Variants in BBS9 observed in about 807,000 individuals in gnomAD.
The protein encoded by BBS9 is protein PTHB1.
Under a neutral mutation model 117.7 loss-of-function variants are expected in BBS9, and 89 were observed. The ratio of observed to expected loss-of-function variants is 0.76; its 90% CI spans 0.64 to 0.90. The LOEUF (loss-of-function observed/expected upper bound fraction) is 0.90. Ranked by LOEUF, BBS9 falls within the 40% of genes least tolerant of loss-of-function variation. The probability of loss-of-function intolerance (pLI) is 0.00; values close to 1 mark genes in which losing one functional copy is unlikely to be tolerated. For missense variants in BBS9, 982 were observed against 1,042.2 expected, an observed-to-expected ratio of 0.94 and a Z score of 0.80; for synonymous variants, 379 against 370.9, an observed-to-expected ratio of 1.02 and a Z score of -0.25.
chr7:33,631,229 G>A (rs912994762), intron 21 of BBS9, among the ~76,000 whole-genome samples: 5 of 152,254 alleles, frequency 3.3e-5, no homozygotes, highest in Non-Finnish European at 2.9e-5. Flanking sequence ...GAACTGCACC[G>A]TTCCAGGGAG....
At chr7:33,302,370 A>G (rs992408299) in intron 9 of BBS9, among the ~76,000 whole-genome samples, 2 of 152,004 alleles carry the variant, frequency 1.3e-5, no homozygotes, top group African/African-American at 4.8e-5. Flanking sequence ...TATCCTGGAG[A>G]GTTTCCCCAG....
At chr7:33,321,763 C>T (rs1811756667) in intron 9 of BBS9, among the ~76,000 whole-genome samples, 1 of 152,014 alleles carries the variant, frequency 6.6e-6, no homozygotes, top group Admixed American at 6.5e-5. Flanking sequence ...TGGTGAATAA[C>T]AGTGGTGAAA....
chr7:33,503,805 G>T (rs943841360), intron 19 of BBS9, among the ~76,000 whole-genome samples: 3 of 152,038 alleles, frequency 2.0e-5, no homozygotes, highest in African/African-American at 2.4e-5. Context: ...TGGTGGGGGT[G>T]GGGGAGGAAC....
intron 9 of BBS9, among the ~76,000 whole-genome samples, chr7:33,289,590 CTTT>C (rs1461973661): frequency 6.6e-6 from 1 of 151,978 alleles, no homozygotes; most frequent in Non-Finnish European, 1.5e-5. Flanking sequence ...TTGTATACTA[CTTT>C]TTATCTTTAA....
At chr7:33,577,130 GAGAAA>G (rs1262690652) in intron 21 of BBS9, among the ~76,000 whole-genome samples, 1 of 151,840 alleles carries the variant, frequency 6.6e-6, no homozygotes, top group Non-Finnish European at 1.5e-5. Flanking sequence ...TACAGAATGG[GAGAAA>G]ATTTTTGCAA....
chr7:33,160,755 A>G (rs2128125017), intron 4 of BBS9, among the ~76,000 whole-genome samples: 1 of 152,310 alleles, frequency 6.6e-6, no homozygotes, highest in East Asian at 1.9e-4. Context: ...GCTGCAATGT[A>G]GATGGCAAGG....
chr7:33,224,074 G>A (rs10244288), intron 5 of BBS9, among the ~76,000 whole-genome samples: 72,952 of 151,970 alleles, frequency 0.48, 18,006 homozygotes, highest in Admixed American at 0.57. Context: ...GGAATTTTGT[G>A]ATTAGTCAGA....
chr7:33,452,737 T>A (rs544823488), intron 19 of BBS9, among the ~76,000 whole-genome samples: 6 of 152,328 alleles, frequency 3.9e-5, no homozygotes, highest in African/African-American at 1.4e-4. Context: ...AAGGTTATTA[T>A]GGGAACACAC....
intron 21 of BBS9, among the ~76,000 whole-genome samples, chr7:33,541,997 A>G (rs907071036): frequency 1.3e-5 from 2 of 152,194 alleles, no homozygotes; most frequent in Non-Finnish European, 2.9e-5. Flanking sequence ...CTTTGTATAT[A>G]TTTAGAAAAT....
intron 10 of BBS9, among the ~76,000 whole-genome samples, chr7:33,339,455 C>T (rs1186219985): frequency 6.6e-6 from 1 of 152,164 alleles, no homozygotes; most frequent in Non-Finnish European, 1.5e-5. Context: ...GCCATTTGTA[C>T]TCTCATTAAG....
At chr7:33,257,167 T>C in intron 5 of BBS9, 69 bp from the exon 6 acceptor site, 1 of 1,084,698 alleles carries the variant, frequency 9.2e-7, no homozygotes, top group Non-Finnish European at 1.3e-6. Flanking sequence ...ATGTTGTAGA[T>C]AGTGATTAAT....
At chr7:33,571,279 C>G (rs1185593559) in intron 21 of BBS9, among the ~76,000 whole-genome samples, 2 of 152,002 alleles carry the variant, frequency 1.3e-5, no homozygotes, top group Non-Finnish European at 2.9e-5. Flanking sequence ...TATCGATTGA[C>G]TTTTGACTTT....
At chr7:33,163,762 T>G (rs1016169111) in intron 4 of BBS9, among the ~76,000 whole-genome samples, 1 of 152,230 alleles carries the variant, frequency 6.6e-6, no homozygotes, top group African/African-American at 2.4e-5. Context: ...TCAATTTTGT[T>G]GATCTTTTCA....
chr7:33,357,314 A>T (rs889464501), intron 15 of BBS9, among the ~76,000 whole-genome samples: 1 of 151,804 alleles, frequency 6.6e-6, no homozygotes, highest in South Asian at 2.1e-4. Flanking sequence ...TAAAATGAAC[A>T]TGGACTTCAA....
intron 16 of BBS9, among the ~76,000 whole-genome samples, chr7:33,367,264 G>A (rs1032679876): frequency 4.6e-5 from 7 of 151,900 alleles, no homozygotes; most frequent in Non-Finnish European, 8.8e-5. Flanking sequence ...GATTCTCTAG[G>A]ATCATCCAAT....
chr7:33,189,992 G>T (rs1185571739), intron 5 of BBS9, among the ~76,000 whole-genome samples: 1 of 150,740 alleles, frequency 6.6e-6, no homozygotes, highest in African/African-American at 2.4e-5. Flanking sequence ...AAAGTGCTGG[G>T]ATTACAGGTG....
rs988463254 is a variant in BBS9, at chr7:33,350,657, G to A, written c.1433-562G>A. ...TGTCTGTTCCTCGAAGTAAAGAACA[G>A]CAGTGGTGTAGAATGCCAGTTTCTT... On this transcript the variant is annotated intron_variant, in intron 13 of 22. Transcript: ENST00000242067. Among the ~76,000 whole-genome samples the A allele has an allele frequency of 2.0e-5, 3 of 152,214 alleles. No individual in the cohort carries two copies. In the East Asian group the frequency reaches 5.8e-4, roughly 29 times the overall value.
intron 1 of BBS9, among the ~76,000 whole-genome samples, chr7:33,133,286 A>G (rs927598791): frequency 6.6e-6 from 1 of 152,276 alleles, no homozygotes; most frequent in Non-Finnish European, 1.5e-5. Context: ...CCCATTTAAC[A>G]CATAAAATTC....
chr7:33,167,917 T>C lies in BBS9; in HGVS notation c.329-9561T>C, dbSNP rs555963913. 2.0e-5 allele frequency among the ~76,000 whole-genome samples: 3 copies of C among 152,296 alleles called. No homozygotes were observed. The East Asian group carries it at 5.8e-4, about 29-fold the overall frequency. On this transcript the variant is annotated intron_variant, in intron 4 of 22. Transcript: ENST00000242067. ...ACTTTAAATGATTATAAAGACATAA[T>C]TGACAAGGAAATGTTGTCATTTATA...
Sources: gnomAD v4.1 joint callset for allele counts (sites outside exome capture counted in the v4.1 genomes callset) on GRCh38, gnomAD v4.1.1 for gene constraint, MANE v1.5 for transcripts, NCBI Gene and HGNC (gene_info 2026-07-23, HGNC 2026-07-21) for gene names.